Variants in F13A1 observed in about 807,000 individuals in gnomAD.
The protein encoded by F13A1 is coagulation factor XIII A chain.
Under a neutral mutation model 80.1 loss-of-function variants are expected in F13A1, and 47 were observed. That is an observed-to-expected ratio of 0.59 (90% CI 0.46 to 0.75). F13A1 has a LOEUF of 0.75. F13A1 is among the 30% of genes least tolerant of loss of function. F13A1 has a pLI of 0.00. For missense variants in F13A1, 817 were observed against 930.4 expected, an observed-to-expected ratio of 0.88 and a Z score of 1.59; for synonymous variants, 349 against 344.9, an observed-to-expected ratio of 1.01 and a Z score of -0.13.
intron 6 of F13A1, among the ~76,000 whole-genome samples, chr6:6,228,579 C>T (rs1224065775): frequency 2.6e-5 from 4 of 151,764 alleles, no homozygotes; most frequent in Non-Finnish European, 4.4e-5. Context: ...ACTAAAAATA[C>T]AAAAACTAGC....
chr6:6,197,757 C>A (rs919879333), intron 8 of F13A1, among the ~76,000 whole-genome samples: 1 of 152,072 alleles, frequency 6.6e-6, no homozygotes, highest in African/African-American at 2.4e-5. Flanking sequence ...AATCTGAGGG[C>A]TCCTGGAGAT....
chr6:6,166,755 G>C (rs979475343), intron 13 of F13A1, among the ~76,000 whole-genome samples: 1 of 152,218 alleles, frequency 6.6e-6, no homozygotes, highest in Non-Finnish European at 1.5e-5. Flanking sequence ...CCTCTGCCAA[G>C]TCTCTTGAGC....
intron 6 of F13A1, among the ~76,000 whole-genome samples, chr6:6,227,556 T>C (rs1757294208): frequency 6.6e-6 from 1 of 152,236 alleles, no homozygotes; most frequent in South Asian, 2.1e-4. Context: ...CTGTATCCAT[T>C]ATCGTGAAGA....
Position 6,145,243 on chromosome 6 carries a change from A to C in F13A1, c.*376T>G. The C allele has an allele frequency of 1.1e-5, 3 of 284,842 alleles. No individual in the cohort carries two copies. The highest frequency in any genetic ancestry group is 2.0e-5 in the Non-Finnish European group (3 of 146,748). 17.6% of individuals were successfully genotyped at this position (284,842 alleles called of 1,614,324 possible). A position where few individuals can be genotyped will look rare whatever the true frequency, so the allele number is the denominator to read the frequency against. ...TTATTCCCAAAAGGCTGAGTGGGGA[A>C]TCTGAAGTCTTGTTTTAAATGAGGC... On this transcript the variant is annotated 3_prime_UTR_variant, in exon 15 of 15. Transcript: ENST00000264870.
At chr6:6,268,097 C>T (rs369398008) in intron 3 of F13A1, among the ~76,000 whole-genome samples, 1 of 152,192 alleles carries the variant, frequency 6.6e-6, no homozygotes, top group Non-Finnish European at 1.5e-5. Context: ...TGAATCCAGT[C>T]ATAACCTAAT....
At chr6:6,258,860 C>A (rs1327794566) in intron 4 of F13A1, among the ~76,000 whole-genome samples, 3 of 152,138 alleles carry the variant, frequency 2.0e-5, no homozygotes, top group Non-Finnish European at 4.4e-5. Flanking sequence ...GGGTGCTAGC[C>A]AAGGTGCAAA....
At chr6:6,175,961 AGGTGG>A (rs900922861) in intron 11 of F13A1, among the ~76,000 whole-genome samples, 19 of 152,380 alleles carry the variant, frequency 1.2e-4, no homozygotes, top group African/African-American at 4.6e-4. Flanking sequence ...GACACTGGGA[AGGTGG>A]GAGAACGGTC....
intron 14 of F13A1, among the ~76,000 whole-genome samples, chr6:6,150,376 CTT>C (rs1002729832): frequency 6.6e-6 from 1 of 152,138 alleles, no homozygotes; most frequent in Non-Finnish European, 1.5e-5. Context: ...TTTCCTGTAA[CTT>C]TCCTGTTAGC....
chr6:6,275,649 G>A (rs111626091), intron 3 of F13A1, among the ~76,000 whole-genome samples: 23 of 152,302 alleles, frequency 1.5e-4, no homozygotes, highest in Middle Eastern at 3.4e-3. Flanking sequence ...GATTACAGGC[G>A]TGAGCCACTG....
chr6:6,173,134 G>A (rs1214575280), intron 12 of F13A1, among the ~76,000 whole-genome samples: 1 of 152,150 alleles, frequency 6.6e-6, no homozygotes, highest in Non-Finnish European at 1.5e-5. Context: ...TCTTCCAATG[G>A]ACTTGTGTTG....
intron 14 of F13A1, among the ~76,000 whole-genome samples, chr6:6,148,148 C>A (rs935240045): frequency 2.0e-5 from 3 of 152,026 alleles, no homozygotes; most frequent in African/African-American, 7.2e-5. Flanking sequence ...TTCTAAAGAG[C>A]AAAATAAATC....
intron 8 of F13A1, among the ~76,000 whole-genome samples, chr6:6,214,347 A>G (rs1327990476): frequency 1.3e-5 from 2 of 151,496 alleles, no homozygotes; most frequent in African/African-American, 4.9e-5. Flanking sequence ...CCACAGTGCA[A>G]TCAAACTAGA....
intron 3 of F13A1, among the ~76,000 whole-genome samples, chr6:6,278,581 G>A (rs1758019997): frequency 6.6e-6 from 1 of 151,726 alleles, no homozygotes; most frequent in South Asian, 2.1e-4. Context: ...GGGAGATTAG[G>A]TGCCTGAGCA....
chr6:6,191,100 A>C (rs1761188414), intron 10 of F13A1, among the ~76,000 whole-genome samples: 1 of 152,172 alleles, frequency 6.6e-6, no homozygotes. Context: ...CGGTGCGTGC[A>C]CCCACTGACC....
At chr6:6,178,571 C>T (rs752013974) in intron 11 of F13A1, among the ~76,000 whole-genome samples, 2 of 151,802 alleles carry the variant, frequency 1.3e-5, no homozygotes, top group Admixed American at 1.3e-4. Context: ...AGGTAAAGTC[C>T]CGGTGGAGAC....
chr6:6,212,880 A>G (rs945270874), intron 8 of F13A1, among the ~76,000 whole-genome samples: 2 of 152,316 alleles, frequency 1.3e-5, no homozygotes, highest in African/African-American at 4.8e-5. Flanking sequence ...TAAGTGAAGA[A>G]TGCAGAAGCC....
chr6:6,205,232 C>G (rs1761466214), intron 8 of F13A1, among the ~76,000 whole-genome samples: 1 of 152,194 alleles, frequency 6.6e-6, no homozygotes, highest in Non-Finnish European at 1.5e-5. Flanking sequence ...CACAAGAGAC[C>G]TCAATGGAGG....
intron 3 of F13A1, among the ~76,000 whole-genome samples, chr6:6,292,874 C>T (rs75367130): frequency 0.047 from 7,144 of 152,284 alleles, 210 homozygotes; most frequent in Middle Eastern, 0.11. Flanking sequence ...TTCAGCTCTG[C>T]CCCATCCCTC....
intron 10 of F13A1, among the ~76,000 whole-genome samples, chr6:6,191,957 C>T (rs151161954): frequency 7.8e-4 from 119 of 152,254 alleles, no homozygotes; most frequent in African/African-American, 2.7e-3. Context: ...GTTGGGTGAG[C>T]GAAGGCCTCT....
Sources: allele counts gnomAD v4.1 joint callset (sites outside exome capture counted in the v4.1 genomes callset), GRCh38; gene constraint gnomAD v4.1.1; transcripts MANE v1.5; gene names NCBI Gene and HGNC (gene_info 2026-07-23, HGNC 2026-07-21).